Variants in ARHGAP10 observed in about 807,000 individuals in gnomAD.
ARHGAP10 encodes Rho GTPase activating protein 10.
In ARHGAP10, 87 loss-of-function variants were observed where a neutral mutation model predicts 108.6. The ratio of observed to expected loss-of-function variants is 0.80; its 90% CI spans 0.67 to 0.96. ARHGAP10 has a LOEUF of 0.96. ARHGAP10 is among the 40% of genes least tolerant of loss of function. The pLI, the probability that ARHGAP10 is intolerant of heterozygous loss-of-function variation, is 0.00. For missense variants in ARHGAP10, 939 were observed against 954.5 expected (o/e 0.98, Z 0.21); for synonymous variants, 347 against 341.1 (o/e 1.02, Z -0.19).
intron 1 of ARHGAP10, among the ~76,000 whole-genome samples, chr4:147,776,048 AT>A (rs1457567977): frequency 2.6e-5 from 4 of 152,122 alleles, no homozygotes; most frequent in Non-Finnish European, 5.9e-5. Context: ...CAGATGGAGA[AT>A]TTTTTGAGAT....
chr4:147,858,023 CATT>C (rs1229426089), intron 5 of ARHGAP10: 1 of 152,732 alleles, frequency 6.5e-6, no homozygotes, highest in African/African-American at 2.4e-5. Context: ...GCTCATATAC[CATT>C]ATGCGTTTAT....
At chr4:147,977,313 C>T (rs982803251) in intron 18 of ARHGAP10, among the ~76,000 whole-genome samples, 2 of 151,680 alleles carry the variant, frequency 1.3e-5, no homozygotes, top group African/African-American at 4.8e-5. Flanking sequence ...AGGTCGGCTC[C>T]AGGGAAGGCA....
At chr4:148,041,824 A>T (rs1424703530) in intron 19 of ARHGAP10, among the ~76,000 whole-genome samples, 1 of 152,244 alleles carries the variant, frequency 6.6e-6, no homozygotes, top group Non-Finnish European at 1.5e-5. Flanking sequence ...TATTTGCAAA[A>T]GAACACTGTG....
chr4:147,909,613 A>G, intron 11 of ARHGAP10, 119 bp from the exon 12 acceptor site: 2 of 834,306 alleles, frequency 2.4e-6, no homozygotes, highest in Admixed American at 2.6e-5. Flanking sequence ...ATTCTATCAC[A>G]TTAACCAGAA....
chr4:147,982,546 C>CTTTTTTTTT (rs753773443), intron 18 of ARHGAP10, among the ~76,000 whole-genome samples: 16 of 66,252 alleles, frequency 2.4e-4, no homozygotes, highest in Non-Finnish European at 2.6e-4. Flanking sequence ...CCAGCTAAAT[C>CTTTTTTTTT]TTTTTTTTTT....
intron 8 of ARHGAP10, among the ~76,000 whole-genome samples, chr4:147,876,470 G>A (rs1280483372): frequency 6.6e-6 from 1 of 151,984 alleles, no homozygotes; most frequent in Admixed American, 6.6e-5. Flanking sequence ...GCGGGCACCT[G>A]TAGTCCCAGC....
intron 19 of ARHGAP10, among the ~76,000 whole-genome samples, chr4:148,045,571 G>T (rs965349723): frequency 6.6e-6 from 1 of 151,276 alleles, no homozygotes; most frequent in Non-Finnish European, 1.5e-5. Flanking sequence ...AAACCCTGTC[G>T]CTACTAAAAA....
intron 18 of ARHGAP10, among the ~76,000 whole-genome samples, chr4:147,967,222 A>G (rs562823829): frequency 6.4e-4 from 97 of 152,332 alleles, no homozygotes; most frequent in African/African-American, 2.1e-3. Flanking sequence ...AACTTACAAG[A>G]GAAAATAAGG....
chr4:147,916,074 G>C (rs907419633), intron 13 of ARHGAP10, among the ~76,000 whole-genome samples: 2 of 152,180 alleles, frequency 1.3e-5, no homozygotes, highest in Non-Finnish European at 2.9e-5. Context: ...CAGGTAAAGA[G>C]ATGGAAATAG....
At chr4:147,944,238 T>C (rs1289219892) in intron 14 of ARHGAP10, among the ~76,000 whole-genome samples, 1 of 152,220 alleles carries the variant, frequency 6.6e-6, no homozygotes, top group East Asian at 1.9e-4. Flanking sequence ...GGGGCTTAAT[T>C]TGATTTCTTG....
chr4:147,763,776 A>G (rs1224338419), intron 1 of ARHGAP10, among the ~76,000 whole-genome samples: 3 of 145,998 alleles, frequency 2.1e-5, no homozygotes, highest in African/African-American at 7.6e-5. Context: ...TTTTTTAAAA[A>G]CAGAGTTTTG....
chr4:147,904,446 T>A (rs1231156311), intron 10 of ARHGAP10, among the ~76,000 whole-genome samples: 1 of 149,944 alleles, frequency 6.7e-6, no homozygotes, highest in Non-Finnish European at 1.5e-5. Context: ...TGTGTTCTCA[T>A]TGTTCAGTTC....
intron 3 of ARHGAP10, among the ~76,000 whole-genome samples, chr4:147,827,795 G>T (rs1732779468): frequency 6.6e-6 from 1 of 152,020 alleles, no homozygotes; most frequent in Non-Finnish European, 1.5e-5. Flanking sequence ...TTTCATAGTG[G>T]TCACTTAATC....
rs185597516 is a variant in ARHGAP10, at chr4:147,941,431, A to G, written c.1303+1532A>G. ...TGTCCCAAGCCAGTCCTTAACTTAC[A>G]AGGTGTTTTTAAATATCTAAACCCT... On this transcript the variant is annotated intron_variant, in intron 14 of 22. Coordinates refer to ENST00000336498, the MANE Select transcript of ARHGAP10 (RefSeq NM_024605.4). Among the ~76,000 whole-genome samples the G allele has an allele frequency of 2.2e-3, 335 of 152,298 alleles. 1 individual carries two copies. The highest frequency in any genetic ancestry group is 7.4e-3 in the African/African-American group (306 of 41,570).
At chr4:147,965,964 C>T (rs1274734159) in intron 17 of ARHGAP10, among the ~76,000 whole-genome samples, 5 of 152,158 alleles carry the variant, frequency 3.3e-5, no homozygotes, top group African/African-American at 1.2e-4. Flanking sequence ...AAATGTTATG[C>T]AAAGGCTTTT....
At chr4:148,064,642 G>T in intron 22 of ARHGAP10, 135 bp downstream of exon 22, 1 of 695,826 alleles carries the variant, frequency 1.4e-6, no homozygotes, top group Non-Finnish European at 2.3e-6. Context: ...ACTGGATTAA[G>T]CGGCTGCGTT....
At chr4:147,913,348 A>G (rs1037517112) in intron 13 of ARHGAP10, among the ~76,000 whole-genome samples, 9 of 152,218 alleles carry the variant, frequency 5.9e-5, no homozygotes, top group Admixed American at 5.2e-4. Flanking sequence ...ATATGAAAAC[A>G]TGAGGTCAGT....
intron 14 of ARHGAP10, among the ~76,000 whole-genome samples, chr4:147,942,391 T>C (rs1243470228): frequency 6.6e-6 from 1 of 152,242 alleles, no homozygotes; most frequent in African/African-American, 2.4e-5. Context: ...TTACACAAAG[T>C]ACTTTGTATT....
chr4:147,821,273 C>T (rs72955571), intron 1 of ARHGAP10, among the ~76,000 whole-genome samples: 3,152 of 152,210 alleles, frequency 0.021, 99 homozygotes, highest in African/African-American at 0.069. Context: ...ACAAGACTAG[C>T]CCAGGTTCAA....
Sources: gnomAD v4.1 joint callset for allele counts (sites outside exome capture counted in the v4.1 genomes callset) on GRCh38, gnomAD v4.1.1 for gene constraint, MANE v1.5 for transcripts, NCBI Gene and HGNC (gene_info 2026-07-23, HGNC 2026-07-21) for gene names.